The following SERPINB5 variants were observed in gnomAD, a reference collection of about 807,000 sequenced individuals.
SERPINB5 encodes the protein serpin family B member 5.
Under a neutral mutation model 32.2 loss-of-function variants are expected in SERPINB5, and 27 were observed. The ratio of observed to expected loss-of-function variants is 0.84; its 90% CI spans 0.62 to 1.16. SERPINB5 has a LOEUF of 1.16. Among genes scored for constraint, SERPINB5 ranks in the 50% most tolerant of loss-of-function variants. SERPINB5 has a pLI of 0.00. For synonymous variants in SERPINB5, 154 were observed against 157.4 expected (o/e 0.98, Z 0.16); for missense variants, 388 against 436.3 (o/e 0.89, Z 0.99).
intron 4 of SERPINB5, among the ~76,000 whole-genome samples, chr18:63,491,632 G>A (rs1340703892): frequency 2.0e-5 from 3 of 151,530 alleles, no homozygotes; most frequent in East Asian, 2.0e-4. Context: ...GTGCCACTAC[G>A]CCCAGCTAAT....
rs1909477957 is a variant in SERPINB5 at position 63,497,538 on chromosome 18, A to C, written c.568-1582A>C. The C allele has an allele frequency of 7.1e-6, 3 of 424,002 alleles. No individual in the cohort carries two copies. In the Admixed American group the frequency reaches 1.1e-4, roughly 15 times the overall value. 26.3% of individuals were successfully genotyped at this position (424,002 alleles called of 1,614,324 possible). A position where few individuals can be genotyped will look rare whatever the true frequency, so the allele number is the denominator to read the frequency against. On this transcript the variant is annotated intron_variant, in intron 5 of 6. Coordinates refer to ENST00000382771, the MANE Select transcript of SERPINB5 (RefSeq NM_002639.5). ...AAGAGCCAAGCATACAGTGGAGCTC[A>C]AAGGGACTTAGAGATAATTTTAAAA...
intron 6 of SERPINB5, among the ~76,000 whole-genome samples, chr18:63,501,239 T>C (rs1224668443): frequency 7.5e-6 from 1 of 132,666 alleles, no homozygotes; most frequent in East Asian, 2.6e-4. Context: ...TTCCCCTTCC[T>C]GTTTCCAGGT....
chr18:63,489,740 GCT>G (rs2144499589), intron 4 of SERPINB5, among the ~76,000 whole-genome samples: 2 of 152,294 alleles, frequency 1.3e-5, no homozygotes, highest in African/African-American at 4.8e-5. Flanking sequence ...TGGAATCCTA[GCT>G]GCGCCTCTAA....
intron 5 of SERPINB5, among the ~76,000 whole-genome samples, chr18:63,494,463 G>A (rs567317057): frequency 1.3e-5 from 2 of 152,234 alleles, no homozygotes; most frequent in African/African-American, 4.8e-5. Flanking sequence ...CTCCGTGGGT[G>A]GGATCTGACT....
intron 3 of SERPINB5, 44 bp from the exon 4 acceptor site, chr18:63,489,302 TA>T: frequency 9.2e-7 from 1 of 1,090,418 alleles, no homozygotes; most frequent in Non-Finnish European, 1.4e-6. Context: ...AACAATGCAA[TA>T]GCTTGACTAC....
chr18:63,479,038 G>T (rs952317019), intron 1 of SERPINB5, among the ~76,000 whole-genome samples: 1 of 152,142 alleles, frequency 6.6e-6, no homozygotes, highest in Non-Finnish European at 1.5e-5. Flanking sequence ...GGGATTACAG[G>T]TGTGAGCCAC....
At position 63,493,000 on chromosome 18, in the gene SERPINB5, A is replaced by G. The variant is rs1264822676; in HGVS notation, c.472A>G (p.Lys158Glu). Reference protein sequence around the residue: ...LADNSVNDQTKILVVNAAYFV... With the variant: ...LADNSVNDQTEILVVNAAYFV... ...TGACAACAGTGTGAACGACCAGACC[A>G]AAATCCTTGTGGTTAATGCTGCCTA... Residue 158 changes from lysine (K) to glutamate (E), a missense_variant, in exon 5 of 7, where the codon AAA becomes GAA. Coordinates refer to ENST00000382771, the MANE Select transcript of SERPINB5 (RefSeq NM_002639.5). The G allele has an allele frequency of 6.2e-7, 1 of 1,614,224 alleles. No homozygotes were observed. Among genetic ancestry groups the G allele is most frequent in the Non-Finnish European group, 8.5e-7 (1 of 1,180,038 alleles).
intron 1 of SERPINB5, among the ~76,000 whole-genome samples, chr18:63,481,568 T>C (rs968392486): frequency 4.6e-5 from 7 of 152,242 alleles, no homozygotes; most frequent in Non-Finnish European, 7.3e-5. Flanking sequence ...GGGATCTGGG[T>C]TTAGGCTTCT....
chr18:63,482,060 G>C (rs57668734), intron 1 of SERPINB5, among the ~76,000 whole-genome samples: 10,839 of 152,234 alleles, frequency 0.071, 1,190 homozygotes, highest in African/African-American at 0.23. Flanking sequence ...AGCATGAACA[G>C]AGTCAATAAA....
intron 3 of SERPINB5, among the ~76,000 whole-genome samples, chr18:63,488,421 G>C (rs1177456430): frequency 6.6e-6 from 1 of 152,118 alleles, no homozygotes; most frequent in African/African-American, 2.4e-5. Context: ...TTTTTCCTTG[G>C]AGATGGAGTC....
chr18:63,479,178 T>C (rs1917084953), intron 1 of SERPINB5, among the ~76,000 whole-genome samples: 1 of 152,130 alleles, frequency 6.6e-6, no homozygotes, highest in African/African-American at 2.4e-5. Context: ...GAACATATAT[T>C]GTTCAAATCA....
chr18:63,487,039 C>G lies in SERPINB5; in HGVS notation c.262C>G (p.Leu88Val). 6.2e-7 allele frequency: 1 copy of G among 1,614,148 alleles called. No individual in the cohort carries two copies. The highest frequency in any genetic ancestry group is 8.5e-7 in the Non-Finnish European group (1 of 1,179,980). The change falls in exon 3 of 7, where the codon CTA becomes GTA. Residue 88 changes from leucine to valine, a missense_variant. Physicochemically the swap from Leu to Val is conservative, Grantham distance 32 (BLOSUM62 1). Coordinates refer to ENST00000382771, the MANE Select transcript of SERPINB5 (RefSeq NM_002639.5). ...NKLSSFYSLK[L>V]IKRLYVDKSL... Reference sequence around the variant, plus strand: ...ACTTAGTTCCTTTTACTCACTGAAACTAATCAAGCGGCTCTACGTAGACAA... The same window carrying G: ...ACTTAGTTCCTTTTACTCACTGAAAGTAATCAAGCGGCTCTACGTAGACAA...
chr18:63,503,768 C>G lies in SERPINB5; in HGVS notation c.*46C>G. ...TCCTCCCTGACTTTTCTGTGGATGC[C>G]GATTTCTGTAAACTCTGCATCCAGA... On this transcript the variant is annotated 3_prime_UTR_variant, in exon 7 of 7. Transcript: ENST00000382771. 1.3e-6 allele frequency: 2 copies of G among 1,565,392 alleles called. No homozygotes were observed. Among genetic ancestry groups the G allele is most frequent in the Non-Finnish European group, 1.7e-6 (2 of 1,145,450 alleles).
At chr18:63,497,637 T>C (rs1909479652) in intron 5 of SERPINB5, among the ~76,000 whole-genome samples, 1 of 152,078 alleles carries the variant, frequency 6.6e-6, no homozygotes. Flanking sequence ...CAGAAAATGA[T>C]AGAGAATAAT....
At chr18:63,487,181 C>T in intron 3 of SERPINB5, 98 bp downstream of exon 3, 3 of 1,168,734 alleles carry the variant, frequency 2.6e-6, no homozygotes, top group East Asian at 2.4e-5. Flanking sequence ...AAATTCCTTT[C>T]TAGGATGTTC....
chr18:63,484,673 A>G, intron 2 of SERPINB5, 77 bp downstream of exon 2: 3 of 1,373,452 alleles, frequency 2.2e-6, no homozygotes, highest in Non-Finnish European at 2.9e-6. Context: ...TACGGAAAAA[A>G]GGAATGTAGA....
At chr18:63,499,372 G>A in intron 6 of SERPINB5, 85 bp downstream of exon 6, 1 of 1,240,734 alleles carries the variant, frequency 8.1e-7, no homozygotes, top group South Asian at 2.3e-5. Flanking sequence ...GGCCGTGAGA[G>A]CTGGGCCGGT....
intron 6 of SERPINB5, among the ~76,000 whole-genome samples, chr18:63,502,815 T>A (rs1410876589): frequency 6.6e-6 from 1 of 152,112 alleles, no homozygotes; most frequent in Non-Finnish European, 1.5e-5. Flanking sequence ...AGCCAGGAGT[T>A]TGAGACCAGC....
In SERPINB5 at chr18:63,477,046, G is replaced by T. The variant is rs750984914; in HGVS notation, c.-8+1G>T. On this transcript the variant is annotated splice_donor_variant, in intron 1 of 6. Transcript: ENST00000382771. LOFTEE classifies it low-confidence loss of function (5UTR_SPLICE). Reference sequence around the variant, plus strand: ...TTTTCCAGGATAACTGTGACTCCAGGTAAGCAAGGTGGGGTAGCAGGGCTG... The same window carrying T: ...TTTTCCAGGATAACTGTGACTCCAGTTAAGCAAGGTGGGGTAGCAGGGCTG... The T allele has an allele frequency of 6.6e-6, 1 of 152,268 alleles. No homozygotes were observed. Among genetic ancestry groups the T allele is most frequent in the Non-Finnish European group, 1.5e-5 (1 of 68,090 alleles). 9.4% of individuals were successfully genotyped at this position (152,268 alleles called of 1,614,324 possible).
Sources: allele counts gnomAD v4.1 joint callset (sites outside exome capture counted in the v4.1 genomes callset), GRCh38; gene constraint gnomAD v4.1.1; transcripts MANE v1.5; gene names NCBI Gene and HGNC (gene_info 2026-07-23, HGNC 2026-07-21).